RIN2: variants seen among roughly 807,000 people sequenced by gnomAD.
RIN2 encodes RAB5 interacting protein 2.
Under a neutral mutation model 78.0 loss-of-function variants are expected in RIN2, and 36 were observed. That is an observed-to-expected ratio of 0.46 (90% CI 0.35 to 0.61). The LOEUF (loss-of-function observed/expected upper bound fraction) is 0.61, where lower values mean the gene tolerates loss of function less well. RIN2 is among the 20% of genes least tolerant of loss of function. The probability of loss-of-function intolerance (pLI) is 0.00; values close to 1 mark genes in which losing one functional copy is unlikely to be tolerated. For missense variants in RIN2, 1,087 were observed against 1,159.7 expected (o/e 0.94, Z 0.91); for synonymous variants, 466 against 466.8 (o/e 1.00, Z 0.02).
chr20:19,807,917 A>G (rs146999215), intron 2 of RIN2, among the ~76,000 whole-genome samples: 358 of 152,324 alleles, frequency 2.4e-3, no homozygotes, highest in African/African-American at 8.3e-3. Context: ...CCAACTTAGC[A>G]TGGAAAAGAC....
At chr20:19,775,066 G>A (rs767129291) in intron 1 of RIN2, among the ~76,000 whole-genome samples, 8 of 152,170 alleles carry the variant, frequency 5.3e-5, no homozygotes, top group East Asian at 3.8e-4. Context: ...GTTCCACTTC[G>A]TATGTGTTAA....
At chr20:19,870,705 T>C (rs2037665227) in intron 2 of RIN2, among the ~76,000 whole-genome samples, 1 of 152,182 alleles carries the variant, frequency 6.6e-6, no homozygotes, top group South Asian at 2.1e-4. Context: ...TTTCACGACA[T>C]TGATATTGAT....
At chr20:19,791,149 C>G (rs1326742687) in intron 1 of RIN2, among the ~76,000 whole-genome samples, 1 of 152,124 alleles carries the variant, frequency 6.6e-6, no homozygotes, top group African/African-American at 2.4e-5. Context: ...CAGCCAGTGG[C>G]TTTGAAATTG....
chr20:19,939,311 G>A (rs747868754), intron 4 of RIN2, among the ~76,000 whole-genome samples: 1 of 152,136 alleles, frequency 6.6e-6, no homozygotes, highest in Non-Finnish European at 1.5e-5. Flanking sequence ...GCCTCCCAAA[G>A]TGCTGGGATT....
At chr20:19,844,593 G>GCTGCTGCTGCTGCTGCTT (rs1568806843) in intron 2 of RIN2, among the ~76,000 whole-genome samples, 7 of 64,118 alleles carry the variant, frequency 1.1e-4, no homozygotes, top group African/African-American at 3.1e-4. Context: ...TGCTGCTGCT[G>GCTGCTGCTGCTGCTGCTT]CTTCTTCCTC....
At position 19,940,998 on chromosome 20, in the gene RIN2, C is replaced by T. The variant is rs1328683676; in HGVS notation, c.158+5799C>T. On this transcript the variant is annotated intron_variant, in intron 4 of 12. Coordinates refer to ENST00000255006, the MANE Select transcript of RIN2 (RefSeq NM_018993.4). ...TGCAGCTCATCCCTTCCTCCACTCT[C>T]CTGTAGCTGTCACTCCTGCTGCCAC... Among the ~76,000 whole-genome samples the T allele has an allele frequency of 5.9e-5, 9 of 152,340 alleles. No individual in the cohort carries two copies. In the East Asian group the frequency reaches 1.7e-3, roughly 29 times the overall value.
rs74180976 is a variant in RIN2 at position 19,995,261 on chromosome 20, T to TAAAAA, written c.2201-1405_2201-1401dup. On this transcript the variant is annotated intron_variant, in intron 11 of 12. Coordinates refer to ENST00000255006, the MANE Select transcript of RIN2 (RefSeq NM_018993.4). Reference sequence around the variant, plus strand: ...AAATTGCCAGTGTCTGTTTTTTTTTTAAAAAAAAAAAAAAAAACAAAACAC... The same window carrying TAAAAA: ...AAATTGCCAGTGTCTGTTTTTTTTTTAAAAAAAAAAAAAAAAAAAAAACAAAACAC... 3.2e-4 allele frequency among the ~76,000 whole-genome samples: 39 copies of TAAAAA among 122,690 alleles called. 1 individual carries two copies. The highest frequency in any genetic ancestry group is 1.1e-3 in the African/African-American group (35 of 31,458). The allele number at this position is 122,690 out of a possible 152,430, so 80.5% of individuals were successfully genotyped here.
chr20:19,818,944 A>AAG (rs1358778128), intron 2 of RIN2, among the ~76,000 whole-genome samples: 2 of 152,236 alleles, frequency 1.3e-5, no homozygotes, highest in Non-Finnish European at 2.9e-5. Context: ...TTAACATGAA[A>AAG]AGATGTCCAT....
intron 2 of RIN2, among the ~76,000 whole-genome samples, chr20:19,859,678 T>C (rs1274103253): frequency 6.6e-6 from 1 of 152,230 alleles, no homozygotes; most frequent in African/African-American, 2.4e-5. Context: ...ACATAACTCC[T>C]TCCTAAGAGC....
chr20:19,787,147 G>A (rs1457939092), intron 1 of RIN2, among the ~76,000 whole-genome samples: 1 of 152,100 alleles, frequency 6.6e-6, no homozygotes, highest in Non-Finnish European at 1.5e-5. Context: ...GACTGTCTGG[G>A]CACAGTGGCT....
intron 3 of RIN2, among the ~76,000 whole-genome samples, chr20:19,915,011 A>C (rs370081586): frequency 6.6e-6 from 1 of 152,152 alleles, no homozygotes; most frequent in African/African-American, 2.4e-5. Flanking sequence ...GGATGACAGC[A>C]GTGCAGCTGG....
Position 20,000,597 on chromosome 20 carries a change from C to T in RIN2, c.2365-16C>T. The T allele has an allele frequency of 6.4e-7, 1 of 1,573,990 alleles. No homozygotes were observed. Among genetic ancestry groups the T allele is most frequent in the South Asian group, 1.2e-5 (1 of 85,186 alleles). Reference sequence around the variant, plus strand: ...TTTCTCTTCTGACTGTCTCAACATTCCTCTTCCACCTGCAGAATTACCTCC... The same window carrying T: ...TTTCTCTTCTGACTGTCTCAACATTTCTCTTCCACCTGCAGAATTACCTCC... On this transcript the variant is annotated splice_polypyrimidine_tract_variant and intron_variant, in intron 12 of 12. Coordinates refer to ENST00000255006, the MANE Select transcript of RIN2 (RefSeq NM_018993.4).
rs750373507 is a variant in RIN2 at position 20,000,879 on chromosome 20, G to C, written c.2631G>C (p.Lys877Asn). The change falls in exon 13 of 13, where the codon AAG becomes AAC. Residue 877 changes from lysine (K) to asparagine (N), a missense_variant. Lys to Asn is a moderately conservative substitution (Grantham distance 94). Around this residue, in one of 8 missense-constraint regions of RIN2, gnomAD observed 160 missense variants for 179.4 expected, o/e 0.89. Transcript: ENST00000255006. The stretch of plus-strand genomic sequence containing the variant: ...TCCACTTTGTCTACAAACGCATCAA[G>C]AACGATCCTTATGGCATCATTTTCC... ...HIFHFVYKRI[K>N]NDPYGIIFQN... 3 of 1,613,846 alleles carry C rather than the reference G, an allele frequency of 1.9e-6. No homozygotes were observed. In the African/African-American group the frequency reaches 4.0e-5, roughly 22 times the overall value.
At chr20:19,810,417 A>C (rs2035551904) in intron 2 of RIN2, among the ~76,000 whole-genome samples, 1 of 152,058 alleles carries the variant, frequency 6.6e-6, no homozygotes, top group East Asian at 2.0e-4. Flanking sequence ...CAAAGAAATG[A>C]AAAAAGAAGT....
chr20:19,837,589 A>G (rs541340873), intron 2 of RIN2, among the ~76,000 whole-genome samples: 71 of 152,306 alleles, frequency 4.7e-4, no homozygotes, highest in African/African-American at 1.6e-3. Context: ...ATTTAAATTC[A>G]TTATAAGTTA....
chr20:19,764,226 C>T (rs1159853588), intron 1 of RIN2, among the ~76,000 whole-genome samples: 2 of 152,122 alleles, frequency 1.3e-5, no homozygotes, highest in Admixed American at 6.5e-5. Flanking sequence ...AAATTGTTAC[C>T]GATTTTTCCC....
intron 1 of RIN2, among the ~76,000 whole-genome samples, chr20:19,792,478 G>A (rs2122631957): frequency 1.3e-5 from 2 of 152,312 alleles, no homozygotes; most frequent in South Asian, 4.1e-4. Flanking sequence ...GATGTAATGA[G>A]TGATGTGTGT....
chr20:19,944,876 T>A (rs531385457), intron 4 of RIN2, among the ~76,000 whole-genome samples: 1 of 152,072 alleles, frequency 6.6e-6, no homozygotes, highest in East Asian at 1.9e-4. Context: ...AGCTCCAGAG[T>A]TGTGTTAATA....
chr20:19,939,881 C>T (rs1002849994), intron 4 of RIN2, among the ~76,000 whole-genome samples: 1 of 151,144 alleles, frequency 6.6e-6, no homozygotes, highest in African/African-American at 2.4e-5. Flanking sequence ...AACAGACTTC[C>T]ACTCTATCGC....
Sources: gnomAD v4.1 joint callset for allele counts (sites outside exome capture counted in the v4.1 genomes callset) on GRCh38, gnomAD v4.1.1 for gene constraint, gnomAD v4.1.1 regional missense constraint, MANE v1.5 for transcripts, NCBI Gene and HGNC (gene_info 2026-07-23, HGNC 2026-07-21) for gene names.